The following CNTNAP2 variants were observed in gnomAD, a reference collection of about 807,000 sequenced individuals.
The protein encoded by CNTNAP2 is contactin associated protein 2.
A neutral mutation model predicts 155.2 loss-of-function variants in CNTNAP2; 98 were observed. That is an observed-to-expected ratio of 0.63 (90% CI 0.54 to 0.75). The LOEUF (loss-of-function observed/expected upper bound fraction) is 0.75, where lower values mean the gene tolerates loss of function less well. Among genes scored for constraint, CNTNAP2 ranks in the 30% least tolerant of loss-of-function variants. The pLI, the probability that CNTNAP2 is intolerant of heterozygous loss-of-function variation, is 0.00. For synonymous variants in CNTNAP2, 651 were observed against 631.2 expected (o/e 1.03, Z -0.47); for missense variants, 1,727 against 1,688.1 (o/e 1.02, Z -0.40).
At chr7:147,277,374 G>A (rs962508826) in intron 8 of CNTNAP2, among the ~76,000 whole-genome samples, 3 of 151,514 alleles carry the variant, frequency 2.0e-5, no homozygotes, top group Non-Finnish European at 2.9e-5. Flanking sequence ...AGCCAAATGA[G>A]AACCAAAAAG....
chr7:148,093,457 A>C (rs908090543), intron 15 of CNTNAP2, among the ~76,000 whole-genome samples: 6 of 152,252 alleles, frequency 3.9e-5, no homozygotes, highest in African/African-American at 1.4e-4. Context: ...CATACTTGGA[A>C]AATACTTAAC....
At chr7:146,362,562 A>G (rs1171895095) in intron 1 of CNTNAP2, among the ~76,000 whole-genome samples, 2 of 152,254 alleles carry the variant, frequency 1.3e-5, no homozygotes, top group East Asian at 1.9e-4. Context: ...AGGAACTTCA[A>G]AAATACCCAT....
chr7:147,233,521 GTTAT>G (rs1307969274), intron 8 of CNTNAP2, among the ~76,000 whole-genome samples: 1 of 150,872 alleles, frequency 6.6e-6, no homozygotes, highest in Non-Finnish European at 1.5e-5. Context: ...ACTCCAAAGT[GTTAT>G]TTAAGTATTA....
At chr7:147,330,973 T>G (rs1795555734) in intron 9 of CNTNAP2, among the ~76,000 whole-genome samples, 1 of 152,194 alleles carries the variant, frequency 6.6e-6, no homozygotes, top group Non-Finnish European at 1.5e-5. Flanking sequence ...TACCACTAAC[T>G]AGTGGGACTC....
intron 1 of CNTNAP2, among the ~76,000 whole-genome samples, chr7:146,533,747 G>A (rs1797805061): frequency 6.6e-6 from 1 of 152,026 alleles, no homozygotes; most frequent in Admixed American, 6.6e-5. Flanking sequence ...TTGCTGTTAT[G>A]ATTCCAAGTG....
intron 3 of CNTNAP2, among the ~76,000 whole-genome samples, chr7:146,849,423 C>T (rs1483881878): frequency 6.6e-6 from 1 of 152,150 alleles, no homozygotes; most frequent in East Asian, 1.9e-4. Context: ...GCAAGAAGTT[C>T]CATTACTATA....
At chr7:147,020,008 ATGGT>A (rs1798791670) in intron 3 of CNTNAP2, among the ~76,000 whole-genome samples, 2 of 152,198 alleles carry the variant, frequency 1.3e-5, no homozygotes, top group African/African-American at 4.8e-5. Context: ...ATGGTATGGT[ATGGT>A]ATGGTATAGT....
intron 13 of CNTNAP2, among the ~76,000 whole-genome samples, chr7:147,774,502 T>C (rs1321523927): frequency 6.6e-6 from 1 of 152,204 alleles, no homozygotes; most frequent in East Asian, 1.9e-4. Flanking sequence ...TCCAAATTCA[T>C]GCATTAAAGC....
intron 1 of CNTNAP2, among the ~76,000 whole-genome samples, chr7:146,658,019 A>G (rs1563175803): frequency 6.6e-6 from 1 of 152,150 alleles, no homozygotes; most frequent in Non-Finnish European, 1.5e-5. Context: ...AATATATTTA[A>G]AATAATTTTT....
At chr7:146,760,183 A>G (rs1388737469) in intron 1 of CNTNAP2, among the ~76,000 whole-genome samples, 1 of 152,104 alleles carries the variant, frequency 6.6e-6, no homozygotes, top group African/African-American at 2.4e-5. Context: ...AATAAGGTAA[A>G]TGAGCCCAAA....
At chr7:146,448,983 A>G (rs1302497614) in intron 1 of CNTNAP2, among the ~76,000 whole-genome samples, 2 of 152,052 alleles carry the variant, frequency 1.3e-5, no homozygotes, top group African/African-American at 2.4e-5. Context: ...TTACAGTGCC[A>G]CAGCTCCCTA....
chr7:146,146,905 G>A (rs899939008), intron 1 of CNTNAP2, among the ~76,000 whole-genome samples: 5 of 152,094 alleles, frequency 3.3e-5, no homozygotes, highest in African/African-American at 9.7e-5. Flanking sequence ...AGGCAGCTGC[G>A]TTAGTGAATG....
chr7:147,304,185 G>A (rs1361196684), intron 9 of CNTNAP2, among the ~76,000 whole-genome samples: 1 of 152,082 alleles, frequency 6.6e-6, no homozygotes, highest in African/African-American at 2.4e-5. Flanking sequence ...ATGATCAGAT[G>A]ATGTTTAATC....
rs1311719912 is a variant in CNTNAP2, at chr7:146,833,433, T to G, written c.209-6278T>G. ...CCCCTGTTTTTTGTGCTTTATCATT[T>G]TGGGACTTTCTCTACTCAAGTCCCA... On this transcript the variant is annotated intron_variant, in intron 2 of 23. Coordinates refer to ENST00000361727, the MANE Select transcript of CNTNAP2 (RefSeq NM_014141.6). Among the ~76,000 whole-genome samples the G allele has an allele frequency of 3.3e-5, 5 of 152,246 alleles. No homozygotes were observed. In the East Asian group the frequency reaches 7.8e-4, roughly 24 times the overall value.
intron 12 of CNTNAP2, among the ~76,000 whole-genome samples, chr7:147,628,838 G>GA (rs1362698433): frequency 1.7e-5 from 2 of 119,052 alleles, no homozygotes; most frequent in Non-Finnish European, 3.5e-5. Context: ...CTTCTACCAG[G>GA]AAAAAACAGA....
At chr7:146,792,855 G>A (rs1014186742) in intron 2 of CNTNAP2, among the ~76,000 whole-genome samples, 6 of 151,980 alleles carry the variant, frequency 3.9e-5, no homozygotes, top group South Asian at 2.1e-4. Context: ...TTTTGAAGGG[G>A]CATCAATAAT....
intron 17 of CNTNAP2, among the ~76,000 whole-genome samples, chr7:148,171,835 A>G (rs572014804): frequency 5.9e-5 from 9 of 152,346 alleles, no homozygotes; most frequent in African/African-American, 2.2e-4. Flanking sequence ...CTTGTTAACT[A>G]TGCTAATACA....
At chr7:147,241,821 A>C (rs1303740829) in intron 8 of CNTNAP2, among the ~76,000 whole-genome samples, 1 of 152,116 alleles carries the variant, frequency 6.6e-6, no homozygotes, top group Non-Finnish European at 1.5e-5. Flanking sequence ...GGCCCAGTTA[A>C]ATTTGAGTTT....
chr7:147,980,710 G>A (rs1044365598), intron 15 of CNTNAP2, among the ~76,000 whole-genome samples: 1 of 151,248 alleles, frequency 6.6e-6, no homozygotes, highest in Non-Finnish European at 1.5e-5. Context: ...GGATCACGAG[G>A]TCAGGAGATC....
Sources: allele counts gnomAD v4.1 joint callset (sites outside exome capture counted in the v4.1 genomes callset), GRCh38; gene constraint gnomAD v4.1.1; transcripts MANE v1.5; gene names NCBI Gene and HGNC (gene_info 2026-07-23, HGNC 2026-07-21).